Variants in C2CD3 observed in about 807,000 individuals in gnomAD.
The protein encoded by C2CD3 is C2 domain containing 3 centriole elongation regulator.
In C2CD3, 148 loss-of-function variants were observed where a neutral mutation model predicts 234.0. The observed-to-expected ratio is 0.63, with a 90% CI of 0.55 to 0.72. The LOEUF (loss-of-function observed/expected upper bound fraction) is 0.72. Among genes scored for constraint, C2CD3 ranks in the 30% least tolerant of loss-of-function variants. The pLI, the probability that C2CD3 is intolerant of heterozygous loss-of-function variation, is 0.00. For missense variants in C2CD3, 2,577 were observed against 2,811.5 expected (o/e 0.92, Z 1.89); for synonymous variants, 1,000 against 1,035.4 (o/e 0.97, Z 0.66).
At chr11:74,056,981 C>CACCTGGGCTCCACCATCCTCCA (rs1555018683) in intron 25 of C2CD3, among the ~76,000 whole-genome samples, 1 of 151,588 alleles carries the variant, frequency 6.6e-6, no homozygotes, top group African/African-American at 2.4e-5. Flanking sequence ...GTGATGCTCC[C>CACCTGGGCTCCACCATCCTCCA]ACCTGGGCTC....
intron 22 of C2CD3, among the ~76,000 whole-genome samples, chr11:74,080,362 C>A (rs1464470194): frequency 6.6e-6 from 1 of 152,012 alleles, no homozygotes; most frequent in Non-Finnish European, 1.5e-5. Flanking sequence ...GGCTCTTTTT[C>A]GGCTTGATAG....
At chr11:74,032,843 T>C (rs1000888657) in intron 31 of C2CD3, among the ~76,000 whole-genome samples, 14 of 150,604 alleles carry the variant, frequency 9.3e-5, no homozygotes, top group Non-Finnish European at 1.6e-4. Context: ...CCAGCTTGGG[T>C]GACAGAATAA....
chr11:74,058,243 T>C (rs1954049314), intron 24 of C2CD3, among the ~76,000 whole-genome samples: 1 of 152,142 alleles, frequency 6.6e-6, no homozygotes, highest in Non-Finnish European at 1.5e-5. Context: ...ACTGTAAAAT[T>C]GGGCATATTA....
chr11:74,134,506 A>G (rs1957794265), intron 5 of C2CD3, among the ~76,000 whole-genome samples: 1 of 152,174 alleles, frequency 6.6e-6, no homozygotes, highest in Non-Finnish European at 1.5e-5. Flanking sequence ...CAGCCTGGGC[A>G]ACATAGTGAG....
intron 7 of C2CD3, among the ~76,000 whole-genome samples, chr11:74,126,965 A>G (rs375207699): frequency 6.6e-6 from 1 of 152,208 alleles, no homozygotes; most frequent in East Asian, 1.9e-4. Flanking sequence ...GCCTATTTGG[A>G]CATTTCATCT....
rs751043332 is a variant in C2CD3 at position 74,042,243 on chromosome 11, G to A, written c.5496-25C>T. On this transcript the variant is annotated intron_variant, in intron 28 of 32. Transcript: ENST00000334126. ...TCTGTCAAAAAAAAAAAAAAAAAAAGTAGGAGCAAAATAAATTCCCAATCA... is the reference window on the plus strand; with the variant it reads ...TCTGTCAAAAAAAAAAAAAAAAAAAATAGGAGCAAAATAAATTCCCAATCA... 2,262 of 1,235,482 alleles carry A rather than the reference G, an allele frequency of 1.8e-3. 21 individuals are homozygous for A. The African/African-American group carries it at 0.031, about 17-fold the overall frequency. 76.5% of individuals were successfully genotyped at this position (1,235,482 alleles called of 1,614,324 possible).
intron 28 of C2CD3, among the ~76,000 whole-genome samples, chr11:74,042,564 T>C (rs182691055): frequency 4.5e-4 from 68 of 152,012 alleles, no homozygotes; most frequent in African/African-American, 1.5e-3. Flanking sequence ...ACCAGCCTGG[T>C]CAATATGGCG....
Position 74,123,092 on chromosome 11 carries a change from G to C in C2CD3, c.1261C>G (p.Pro421Ala), listed in dbSNP as rs535123450. Reference sequence around the variant, plus strand: ...CTCCCAGGAGATGGGGAATCTGGAGGAGAGCCTAGCCCATCCCAGAAATTG... The same window carrying C: ...CTCCCAGGAGATGGGGAATCTGGAGCAGAGCCTAGCCCATCCCAGAAATTG... ...QGNFWDGLGS[P>A]PDSPSPGSDV... The change falls in exon 8 of 33, where the codon CCT becomes GCT. Residue 421 changes from proline (P) to alanine (A), a missense_variant. Pro to Ala is a conservative substitution (Grantham distance 27, BLOSUM62 -1). Coordinates refer to ENST00000334126, the MANE Select transcript of C2CD3 (RefSeq NM_001286577.2). 1 of 1,612,918 alleles carries C rather than the reference G, an allele frequency of 6.2e-7. No individual in the cohort carries two copies. Among genetic ancestry groups the C allele is most frequent in the East Asian group, 2.2e-5 (1 of 44,872 alleles).
intron 17 of C2CD3, 38 bp from the exon 18 acceptor site, chr11:74,094,037 A>G: frequency 6.6e-7 from 1 of 1,523,934 alleles, no homozygotes; most frequent in Non-Finnish European, 9.1e-7. Flanking sequence ...AATCCAACAT[A>G]TGACTTAGTG....
Position 74,013,395 on chromosome 11 carries a change from TG to T in C2CD3, c.7051del (p.Gln2351ArgfsTer7). The part of the protein sequence containing the change: ...IARIFSSQYS[Q>X]KD ...GCCCCTCAGGCTGCGTCAGTCTTTCTGGGAGTACTGAGAAGAAAATATCCGT... is the reference window on the plus strand; with the variant it reads ...GCCCCTCAGGCTGCGTCAGTCTTTCTGGAGTACTGAGAAGAAAATATCCGT... On this transcript the variant is annotated frameshift_variant, in exon 33 of 33. Coordinates refer to ENST00000334126, the MANE Select transcript of C2CD3 (RefSeq NM_001286577.2). LOFTEE classifies it high-confidence loss of function. 9.0e-7 allele frequency: 1 copy of T among 1,114,658 alleles called. No individual in the cohort carries two copies. The highest frequency in any genetic ancestry group is 1.2e-6 in the Non-Finnish European group (1 of 834,366). 69.0% of individuals were successfully genotyped at this position (1,114,658 alleles called of 1,614,324 possible).
At chr11:74,098,908 G>A (rs954329891) in intron 15 of C2CD3, among the ~76,000 whole-genome samples, 2 of 152,138 alleles carry the variant, frequency 1.3e-5, no homozygotes, top group Non-Finnish European at 2.9e-5. Context: ...ACATTTTTGA[G>A]TCTGTTTTGT....
intron 32 of C2CD3, among the ~76,000 whole-genome samples, chr11:74,025,294 G>C (rs1952246247): frequency 6.6e-6 from 1 of 152,096 alleles, no homozygotes; most frequent in South Asian, 2.1e-4. Context: ...GCATAGAGTT[G>C]TGAGTGCGAA....
At chr11:74,130,127 G>A (rs1320766779) in intron 7 of C2CD3, among the ~76,000 whole-genome samples, 1 of 137,588 alleles carries the variant, frequency 7.3e-6, no homozygotes, top group Non-Finnish European at 1.6e-5. Flanking sequence ...GGGAGGGGGA[G>A]AGGGAGAGGG....
chr11:74,127,476 ATT>A (rs1308320958), intron 7 of C2CD3, among the ~76,000 whole-genome samples: 18 of 141,676 alleles, frequency 1.3e-4, no homozygotes, highest in Middle Eastern at 3.8e-3. Context: ...GGGTTGCTTA[ATT>A]TTTTTTTTTT....
intron 32 of C2CD3, among the ~76,000 whole-genome samples, chr11:74,026,916 A>G (rs924127959): frequency 6.8e-6 from 1 of 147,892 alleles, no homozygotes; most frequent in African/African-American, 2.5e-5. Flanking sequence ...GGTTGCAGTG[A>G]GCCGAGATCA....
In C2CD3 at chr11:74,132,970, A is replaced by C; in HGVS notation, c.1091T>G (p.Ile364Ser). ...NEDSLRASTQ[I>S]RAFSRNRFKD... ...AAACCGATTCCTAGAAAAGGCTCTG[A>C]TCCTAAGGTGTGGAAAAATACTTTC... is the stretch of plus-strand genomic sequence containing the variant. Residue 364 changes from isoleucine (I) to serine (S), a missense_variant and splice_region_variant, in exon 7 of 33, where the codon ATC becomes AGC. Coordinates refer to ENST00000334126, the MANE Select transcript of C2CD3 (RefSeq NM_001286577.2). 6.2e-7 allele frequency: 1 copy of C among 1,613,342 alleles called. No homozygotes were observed. Among genetic ancestry groups the C allele is most frequent in the Non-Finnish European group, 8.5e-7 (1 of 1,179,660 alleles).
At chr11:74,094,251 T>C (rs1956022079) in intron 17 of C2CD3, among the ~76,000 whole-genome samples, 1 of 151,778 alleles carries the variant, frequency 6.6e-6, no homozygotes, top group South Asian at 2.1e-4. Context: ...TGAAATGGTA[T>C]CTTGGTAGTT....
At chr11:74,099,449 G>C (rs941625864) in intron 15 of C2CD3, among the ~76,000 whole-genome samples, 5 of 152,102 alleles carry the variant, frequency 3.3e-5, no homozygotes, top group African/African-American at 1.2e-4. Context: ...TACTTTATAG[G>C]GTTATAGTAA....
intron 29 of C2CD3, 61 bp from the exon 30 acceptor site, chr11:74,037,759 T>G: frequency 2.0e-5 from 26 of 1,287,486 alleles, no homozygotes; most frequent in Non-Finnish European, 2.9e-5. Flanking sequence ...TGAACATCTC[T>G]TATGTCCCCT....
Sources: allele counts gnomAD v4.1 joint callset (sites outside exome capture counted in the v4.1 genomes callset), GRCh38; gene constraint gnomAD v4.1.1; transcripts MANE v1.5; gene names NCBI Gene and HGNC (gene_info 2026-07-23, HGNC 2026-07-21).